Variants in LAMA5 observed in about 807,000 individuals in gnomAD.
The protein encoded by LAMA5 is laminin subunit alpha 5.
LAMA5 carries 260 observed loss-of-function variants against 433.4 expected under a neutral mutation model. That is an observed-to-expected ratio of 0.60 (90% CI 0.54 to 0.66). LAMA5 has a LOEUF of 0.66. Ranked by LOEUF, LAMA5 falls within the 30% of genes least tolerant of loss-of-function variation. LAMA5 has a pLI of 0.00. For synonymous variants in LAMA5, 2,620 were observed against 2,226.6 expected, an observed-to-expected ratio of 1.18 and a Z score of -4.97; for missense variants, 5,378 against 5,258.5, an observed-to-expected ratio of 1.02 and a Z score of -0.70.
intron 11 of LAMA5, among the ~76,000 whole-genome samples, chr20:62,343,047 C>T (rs1013835164): frequency 6.6e-6 from 1 of 152,186 alleles, no homozygotes; most frequent in Admixed American, 6.5e-5. Context: ...GCAAACTAGT[C>T]TATGGACTCC....
At chr20:62,333,316 A>G in intron 25 of LAMA5, 59 bp downstream of exon 25, 1 of 1,601,670 alleles carries the variant, frequency 6.2e-7, no homozygotes, top group Non-Finnish European at 8.5e-7. Flanking sequence ...GGGGGAAGCC[A>G]GGCACAGTGG....
chr20:62,351,649 C>T lies in LAMA5; in HGVS notation c.956+55G>A, dbSNP rs1007379108. 4.5e-6 allele frequency: 7 copies of T among 1,550,524 alleles called. No individual in the cohort carries two copies. The East Asian group carries it at 1.1e-4, about 25-fold the overall frequency. On this transcript the variant is annotated intron_variant, in intron 6 of 79. Transcript: ENST00000252999. Reference sequence around the variant, plus strand: ...GTTAGGCAGGGGTGACAAGGACAGGCAGGGAGCTGGGGGGGGCCTCACCTG... The same window carrying T: ...GTTAGGCAGGGGTGACAAGGACAGGTAGGGAGCTGGGGGGGGCCTCACCTG...
At chr20:62,360,489 T>TG (rs1403137117) in intron 2 of LAMA5, among the ~76,000 whole-genome samples, 4 of 26 alleles carry the variant, frequency 0.15, 2 homozygotes, top group Non-Finnish European at 0.25. Context: ...GATAGATGGG[T>TG]GGTGGGTGGG....
At chr20:62,345,764 C>T (rs943071509) in intron 11 of LAMA5, 54 bp downstream of exon 11, 17 of 1,303,874 alleles carry the variant, frequency 1.3e-5, no homozygotes, top group East Asian at 5.1e-5. Flanking sequence ...TCTGTGAAGC[C>T]GCCCCCATGG....
At chr20:62,355,737 C>T (rs675544) in intron 2 of LAMA5, among the ~76,000 whole-genome samples, 126,346 of 152,060 alleles carry the variant, frequency 0.83, 53,893 homozygotes, top group Non-Finnish European at 0.93. Flanking sequence ...GCCCCACACC[C>T]GGGCCTCAGC....
In LAMA5 at chr20:62,346,740, C is replaced by T. The variant is rs375905071; in HGVS notation, c.1133G>A (p.Arg378His). The T allele has an allele frequency of 1.1e-4, 173 of 1,613,140 alleles. 1 individual carries two copies. Among genetic ancestry groups the T allele is most frequent in the South Asian group, 9.8e-4 (89 of 91,064 alleles). Residue 378 changes from arginine to histidine, a missense_variant, in exon 8 of 80, where the codon CGC becomes CAC. Physicochemically the swap from Arg to His is conservative, Grantham distance 29. Transcript: ENST00000252999. Reference sequence around the variant, plus strand: ...GGTGCCATCCAGGCTCTGGCTGGCGCGGCGCCGGTCCACCTCAGGGTCGTA... The same window carrying T: ...GGTGCCATCCAGGCTCTGGCTGGCGTGGCGCCGGTCCACCTCAGGGTCGTA... ...CYYDPEVDRR[R>H]ASQSLDGTYQ...
chr20:62,364,678 C>A (rs556453534), intron 1 of LAMA5, among the ~76,000 whole-genome samples: 1 of 152,208 alleles, frequency 6.6e-6, no homozygotes, highest in South Asian at 2.1e-4. Flanking sequence ...CAGGCTGGGC[C>A]GGCCAGGGAT....
rs761457123 is a variant in LAMA5 at position 62,328,330 on chromosome 20, G to A, written c.4563C>T (p.Pro1521=). Residue 1521 remains proline (P), a synonymous_variant, in exon 35 of 80, where the codon CCC becomes CCT. Coordinates refer to ENST00000252999, the MANE Select transcript of LAMA5 (RefSeq NM_005560.6). The part of the protein sequence containing the change: ...LCQPQTFGCH[P]LVGCEECNCS... ...AGTTACACTCCTCACAGCCGACCAG[G>A]GGGTGGCAGCCAAAGGTCTGGGGCT... 3 of 1,602,994 alleles carry A rather than the reference G, an allele frequency of 1.9e-6. No individual in the cohort carries two copies. The highest frequency in any genetic ancestry group is 2.2e-5 in the South Asian group (2 of 89,276).
Position 62,336,367 on chromosome 20 carries a change from T to G in LAMA5, c.2296A>C (p.Ser766Arg), listed in dbSNP as rs1277071196. Reference sequence around the variant, plus strand: ...GTACAGCCCTCGGGGTTGCTGGGGCTCAGTCCCCAGAACCCAGGTTTGCAG... The same window carrying G: ...GTACAGCCCTCGGGGTTGCTGGGGCGCAGTCCCCAGAACCCAGGTTTGCAG... ...DRCKPGFWGLSPSNPEGCTRC... is the reference protein window; with the variant it reads ...DRCKPGFWGLRPSNPEGCTRC... Residue 766 changes from serine (S) to arginine (R), a missense_variant, in exon 18 of 80, where the codon AGC becomes CGC. Ser to Arg is a moderately radical substitution (Grantham distance 110). Coordinates refer to ENST00000252999, the MANE Select transcript of LAMA5 (RefSeq NM_005560.6). 6.2e-7 allele frequency: 1 copy of G among 1,611,946 alleles called. No individual in the cohort carries two copies. The highest frequency in any genetic ancestry group is 2.2e-5 in the East Asian group (1 of 44,878).
chr20:62,333,781 G>C (rs1186485651), intron 23 of LAMA5, 75 bp from the exon 24 acceptor site: 4 of 1,490,502 alleles, frequency 2.7e-6, no homozygotes, highest in Non-Finnish European at 3.6e-6. Context: ...TACAGGGTTG[G>C]GGATAGGCTG....
In LAMA5 at chr20:62,328,455, G is replaced by A. The variant is rs748627994; in HGVS notation, c.4448-10C>T. 89 of 1,479,192 alleles carry A rather than the reference G, an allele frequency of 6.0e-5. No individual in the cohort carries two copies. The highest frequency in any genetic ancestry group is 4.7e-5 in the Admixed American group (2 of 42,606). The allele number at this position is 1,479,192 out of a possible 1,614,324, so 91.6% of individuals were successfully genotyped here. A position where few individuals can be genotyped will look rare whatever the true frequency, so the allele number is the denominator to read the frequency against. ...GCACCGCAGTCACAGGCTGTGGGGCGGGTACAGGGTTTACTGACCCCTCTT... is the reference window on the plus strand; with the variant it reads ...GCACCGCAGTCACAGGCTGTGGGGCAGGTACAGGGTTTACTGACCCCTCTT... On this transcript the variant is annotated splice_polypyrimidine_tract_variant and intron_variant, in intron 34 of 79. Coordinates refer to ENST00000252999, the MANE Select transcript of LAMA5 (RefSeq NM_005560.6).
At chr20:62,337,416 G>A (rs966242802) in intron 16 of LAMA5, among the ~76,000 whole-genome samples, 174 bp downstream of exon 16, 4 of 152,208 alleles carry the variant, frequency 2.6e-5, no homozygotes, top group East Asian at 3.9e-4. Context: ...GGCAGTACGC[G>A]GACACCCCTG....
chr20:62,346,484 C>G lies in LAMA5; in HGVS notation c.1282+22G>C, dbSNP rs879058825. 7 of 1,547,438 alleles carry G rather than the reference C, an allele frequency of 4.5e-6. No homozygotes were observed. In the East Asian group the frequency reaches 9.8e-5, roughly 22 times the overall value. On this transcript the variant is annotated intron_variant, in intron 9 of 79. Coordinates refer to ENST00000252999, the MANE Select transcript of LAMA5 (RefSeq NM_005560.6). Reference sequence around the variant, plus strand: ...AGGCAGACCCTGAGACCCAGGACACCCGCCCAGCTGAGCCCACTCACGGCG... The same window carrying G: ...AGGCAGACCCTGAGACCCAGGACACGCGCCCAGCTGAGCCCACTCACGGCG...
intron 26 of LAMA5, 59 bp downstream of exon 26, chr20:62,333,031 C>T: frequency 7.0e-7 from 1 of 1,419,122 alleles, no homozygotes; most frequent in African/African-American, 1.5e-5. Flanking sequence ...ACAGGACCCC[C>T]AGCCCCCAGG....
Position 62,310,692 on chromosome 20 carries a change from C to T in LAMA5, c.10419G>A (p.Pro3473=), listed in dbSNP as rs148841023. Residue 3473 remains proline, a synonymous_variant, in exon 75 of 80, where the codon CCG becomes CCA. Coordinates refer to ENST00000252999, the MANE Select transcript of LAMA5 (RefSeq NM_005560.6). The stretch of plus-strand genomic sequence containing the variant: ...GAAGTTTGGAGCTGTGGCTGCTGGC[C>T]GGGAGGCCGCCCACAAAGAGGGTGT... The part of the protein sequence containing the change: ...QPHTLFVGGL[P]ASSHSSKLPV... The T allele has an allele frequency of 4.3e-5, 69 of 1,602,128 alleles. No homozygotes were observed. The highest frequency in any genetic ancestry group is 1.3e-4 in the African/African-American group (10 of 74,890).
chr20:62,338,601 G>A lies in LAMA5; in HGVS notation c.1485C>T (p.Asp495=), dbSNP rs376162499. Residue 495 remains aspartate (D), a synonymous_variant, in exon 12 of 80, where the codon GAC becomes GAT. Transcript: ENST00000252999. ...TGCCCTGGGTCCCTGCCGCGCTGCA[G>A]TCACAATCTGGAGGGTGGGGACAGG... is the stretch of plus-strand genomic sequence containing the variant. The part of the protein sequence containing the change: ...VLPAGQIVNC[D]CSAAGTQGNA... 6.2e-6 allele frequency: 10 copies of A among 1,609,470 alleles called. No homozygotes were observed. Among genetic ancestry groups the A allele is most frequent in the African/African-American group, 4.0e-5 (3 of 75,044 alleles).
chr20:62,330,580 A>G lies in LAMA5; in HGVS notation c.3887T>C (p.Leu1296Pro). ...TVVFTTHVPT[L>P]GRYAFLLHGY... ...GTGCAGCAGGAAGGCATAGCGGCCCAGCGTGGGCACATGGGTGGTGAAGAC... is the reference window on the plus strand; with the variant it reads ...GTGCAGCAGGAAGGCATAGCGGCCCGGCGTGGGCACATGGGTGGTGAAGAC... The change falls in exon 31 of 80, where the codon CTG becomes CCG. Residue 1296 changes from leucine (L) to proline (P), a missense_variant. Transcript: ENST00000252999. 1 of 1,593,474 alleles carries G rather than the reference A, an allele frequency of 6.3e-7. No homozygotes were observed. Among genetic ancestry groups the G allele is most frequent in the Non-Finnish European group, 8.5e-7 (1 of 1,171,804 alleles).
At chr20:62,364,449 C>T (rs952971990) in intron 1 of LAMA5, among the ~76,000 whole-genome samples, 4 of 152,228 alleles carry the variant, frequency 2.6e-5, no homozygotes, top group Non-Finnish European at 5.9e-5. Context: ...TGCTCAGTCC[C>T]TGCCTGGGCC....
At chr20:62,363,941 C>T (rs896893720) in intron 1 of LAMA5, among the ~76,000 whole-genome samples, 3 of 152,218 alleles carry the variant, frequency 2.0e-5, no homozygotes, top group Non-Finnish European at 4.4e-5. Flanking sequence ...CCCCAGACCA[C>T]CCAAGATGCA....
Sources: allele counts gnomAD v4.1 joint callset (sites outside exome capture counted in the v4.1 genomes callset), GRCh38; gene constraint gnomAD v4.1.1; transcripts MANE v1.5; gene names NCBI Gene and HGNC (gene_info 2026-07-23, HGNC 2026-07-21).